LRFN2: variants seen among roughly 807,000 people sequenced by gnomAD.
The protein encoded by LRFN2 is leucine rich repeat and fibronectin type III domain containing 2, also known as leucine-rich repeat and fibronectin type-III domain-containing protein 2.
In LRFN2, 18 loss-of-function variants were observed where a neutral mutation model predicts 37.3. That is an observed-to-expected ratio of 0.48 (90% CI 0.33 to 0.72). The LOEUF (loss-of-function observed/expected upper bound fraction) is 0.72. Among genes scored for constraint, LRFN2 ranks in the 30% least tolerant of loss-of-function variants. The pLI, the probability that LRFN2 is intolerant of heterozygous loss-of-function variation, is 0.02. For synonymous variants in LRFN2, 556 were observed against 466.6 expected (o/e 1.19, Z -2.47); for missense variants, 1,006 against 1,060.7 (o/e 0.95, Z 0.72).
intron 1 of LRFN2, among the ~76,000 whole-genome samples, chr6:40,560,704 G>A (rs1766976549): frequency 6.6e-6 from 1 of 152,216 alleles, no homozygotes; most frequent in Non-Finnish European, 1.5e-5. Flanking sequence ...GAGCAGGATA[G>A]AATAGGACAG....
chr6:40,465,893 A>G (rs1214859908), intron 1 of LRFN2, among the ~76,000 whole-genome samples: 1 of 152,148 alleles, frequency 6.6e-6, no homozygotes, highest in Non-Finnish European at 1.5e-5. Flanking sequence ...CTGGAGGGGA[A>G]GGGAGGCTTT....
At chr6:40,395,150 A>G (rs1361606750) in intron 2 of LRFN2, among the ~76,000 whole-genome samples, 3 of 151,946 alleles carry the variant, frequency 2.0e-5, no homozygotes, top group Non-Finnish European at 4.4e-5. Context: ...AGCCAGTTTC[A>G]CCTGGGCATC....
intron 1 of LRFN2, among the ~76,000 whole-genome samples, chr6:40,433,522 GTGGATGGATGGATGGATGGA>G (rs921191740): frequency 6.6e-6 from 1 of 151,882 alleles, no homozygotes; most frequent in Non-Finnish European, 1.5e-5. Context: ...GGATGGATGG[GTGGATGGATGGATGGATGGA>G]TGGATGAATG....
chr6:40,469,690 C>CCCACAAACCCACCTCT (rs1764550264), intron 1 of LRFN2, among the ~76,000 whole-genome samples: 2 of 152,128 alleles, frequency 1.3e-5, no homozygotes, highest in Non-Finnish European at 1.5e-5. Context: ...CTGCTGCAGT[C>CCCACAAACCCACCTCT]CCACAAACCC....
chr6:40,476,957 A>G (rs1471446294), intron 1 of LRFN2, among the ~76,000 whole-genome samples: 1 of 152,214 alleles, frequency 6.6e-6, no homozygotes, highest in Non-Finnish European at 1.5e-5. Flanking sequence ...AAAGTAGCTT[A>G]GGCATCTAGT....
chr6:40,569,735 G>A (rs2494939), intron 1 of LRFN2, among the ~76,000 whole-genome samples: 10 of 151,854 alleles, frequency 6.6e-5, no homozygotes, highest in Non-Finnish European at 1.5e-4. Context: ...AATTTCACTC[G>A]CAGTAATCCA....
intron 1 of LRFN2, among the ~76,000 whole-genome samples, chr6:40,510,201 G>A (rs959318888): frequency 2.8e-4 from 42 of 152,110 alleles, no homozygotes; most frequent in African/African-American, 7.7e-4. Context: ...AGGGAACACT[G>A]GGCTTCACAG....
intron 2 of LRFN2, among the ~76,000 whole-genome samples, chr6:40,394,413 A>T (rs892581460): frequency 2.0e-5 from 3 of 152,284 alleles, no homozygotes; most frequent in East Asian, 3.9e-4. Context: ...GGGCTCTATC[A>T]GTTCCCATCA....
chr6:40,501,110 CCT>C (rs1339529780), intron 1 of LRFN2, among the ~76,000 whole-genome samples: 2 of 151,122 alleles, frequency 1.3e-5, no homozygotes, highest in Admixed American at 1.3e-4. Context: ...CAAAAATTGC[CCT>C]CTCTTCATAC....
intron 1 of LRFN2, among the ~76,000 whole-genome samples, chr6:40,575,514 A>G (rs1307139216): frequency 2.0e-5 from 3 of 152,140 alleles, no homozygotes; most frequent in African/African-American, 7.2e-5. Context: ...GGGGGCCAAA[A>G]TGGTGGATAT....
intron 1 of LRFN2, among the ~76,000 whole-genome samples, chr6:40,539,161 C>T (rs763357106): frequency 3.3e-5 from 5 of 152,118 alleles, no homozygotes; most frequent in Middle Eastern, 3.2e-3. Flanking sequence ...CCTGGCCTCA[C>T]CTCTGCAGGG....
rs1046175570 is a variant in LRFN2, at chr6:40,533,464, A to G, written c.-19+53477T>C. 1.6e-4 allele frequency among the ~76,000 whole-genome samples: 25 copies of G among 151,710 alleles called. 1 individual carries two copies. The highest frequency in any genetic ancestry group is 3.1e-4 in the Non-Finnish European group (21 of 67,922). ...GAGGGAAAGACAGAGAGAGAATTCA[A>G]TTTCTTTCAGGGACCCTCAAGTAGT... is the stretch of plus-strand genomic sequence containing the variant. On this transcript the variant is annotated intron_variant, in intron 1 of 2. Transcript: ENST00000338305.
intron 1 of LRFN2, among the ~76,000 whole-genome samples, chr6:40,512,756 TG>T (rs1473407081): frequency 1.3e-5 from 2 of 152,034 alleles, no homozygotes; most frequent in African/African-American, 2.4e-5. Context: ...ACCAGGAGGG[TG>T]CCAGAGACAC....
At chr6:40,564,344 G>A (rs909796377) in intron 1 of LRFN2, among the ~76,000 whole-genome samples, 3 of 152,172 alleles carry the variant, frequency 2.0e-5, no homozygotes, top group African/African-American at 4.8e-5. Context: ...GCTAGGTGCT[G>A]CTTTTCTGCT....
At chr6:40,490,618 C>T (rs991358002) in intron 1 of LRFN2, among the ~76,000 whole-genome samples, 1 of 152,234 alleles carries the variant, frequency 6.6e-6, no homozygotes, top group African/African-American at 2.4e-5. Context: ...TCCTCTAGAG[C>T]TCACCATGGC....
intron 1 of LRFN2, among the ~76,000 whole-genome samples, chr6:40,505,050 G>C (rs952116079): frequency 6.6e-6 from 1 of 152,244 alleles, no homozygotes; most frequent in Non-Finnish European, 1.5e-5. Flanking sequence ...TACGAGCCTA[G>C]ATCTTTGGAG....
chr6:40,435,042 TATATATATATAGAGAGAGAGAG>T (rs1404722429), intron 1 of LRFN2, among the ~76,000 whole-genome samples: 19 of 91,998 alleles, frequency 2.1e-4, no homozygotes, highest in African/African-American at 9.4e-4. Context: ...TATATATATA[TATATATATATAGAGAGAGAGAG>T]AGAGAGAGAG....
chr6:40,562,597 G>T (rs1394324689), intron 1 of LRFN2, among the ~76,000 whole-genome samples: 1 of 152,192 alleles, frequency 6.6e-6, no homozygotes, highest in Non-Finnish European at 1.5e-5. Flanking sequence ...GCTCATGGGA[G>T]TTTCCCTCTG....
intron 1 of LRFN2, among the ~76,000 whole-genome samples, chr6:40,519,952 G>A (rs1280631300): frequency 6.6e-6 from 1 of 152,214 alleles, no homozygotes; most frequent in Non-Finnish European, 1.5e-5. Flanking sequence ...AAGGGGCATG[G>A]AAGGGCATTT....
Sources: gnomAD v4.1 joint callset for allele counts (sites outside exome capture counted in the v4.1 genomes callset) on GRCh38, gnomAD v4.1.1 for gene constraint, MANE v1.5 for transcripts, NCBI Gene and HGNC (gene_info 2026-07-23, HGNC 2026-07-21) for gene names.